TEP1: variants seen among roughly 807,000 people sequenced by gnomAD.
TEP1 encodes telomerase protein component 1.
TEP1 carries 241 observed loss-of-function variants against 306.3 expected under a neutral mutation model. The ratio of observed to expected loss-of-function variants is 0.79; its 90% CI spans 0.71 to 0.88. The LOEUF (loss-of-function observed/expected upper bound fraction) is 0.88. Among genes scored for constraint, TEP1 ranks in the 40% least tolerant of loss-of-function variants. The pLI, the probability that TEP1 is intolerant of heterozygous loss-of-function variation, is 0.00. For missense variants in TEP1, 3,051 were observed against 3,276.1 expected, an observed-to-expected ratio of 0.93 and a Z score of 1.68; for synonymous variants, 1,289 against 1,305.5, an observed-to-expected ratio of 0.99 and a Z score of 0.27.
intron 33 of TEP1, 102 bp from the exon 34 acceptor site, chr14:20,380,577 G>T: frequency 6.8e-7 from 1 of 1,468,538 alleles, no homozygotes; most frequent in East Asian, 2.4e-5. Flanking sequence ...AAGTCTCAAA[G>T]TGTGGCCCTC....
chr14:20,378,603 CA>C, intron 37 of TEP1, 68 bp from the exon 38 acceptor site: 1 of 1,606,076 alleles, frequency 6.2e-7, no homozygotes, highest in South Asian at 1.1e-5. Context: ...CCCAGACCTC[CA>C]GGAGCAACCT....
chr14:20,411,086 C>G (rs1017461879), intron 1 of TEP1, among the ~76,000 whole-genome samples: 3 of 152,106 alleles, frequency 2.0e-5, no homozygotes, highest in African/African-American at 7.2e-5. Flanking sequence ...TCCCAAAGTG[C>G]TAGGATTACA....
rs60087138 is a variant in TEP1, at chr14:20,369,872, A to ATT, written c.7318-95_7318-94dup. 3,986 of 738,170 alleles carry ATT rather than the reference A, an allele frequency of 5.4e-3. 36 individuals carry two copies. Among genetic ancestry groups the ATT allele is most frequent in the African/African-American group, 0.037 (1,896 of 51,800 alleles). The allele number at this position is 738,170 out of a possible 1,614,324, so 45.7% of individuals were successfully genotyped here. On this transcript the variant is annotated intron_variant, in intron 51 of 54. Transcript: ENST00000262715. ...GTTTTCTGCTCTGGGCTGGTCAGGA[A>ATT]TTTTTTTTTTTTTTAACTACAACTT...
rs749073105 is a variant in TEP1 at position 20,403,377 on chromosome 14, C to A, written c.1266G>T (p.Lys422Asn). ...TACAACCCCAGAAGAAGGGACTCAC[C>A]TTTCTCTGCTCTTCTCTGAGAAACC... is the stretch of plus-strand genomic sequence containing the variant. ...YIGFLREEQR[K>N]FEKAGDTVSE... Residue 422 changes from lysine to asparagine, a missense_variant and splice_region_variant, in exon 7 of 55, where the codon AAG becomes AAT. Physicochemically the swap from Lys to Asn is moderately conservative, Grantham distance 94. Around this residue, in one of 3 missense-constraint regions of TEP1, gnomAD observed 1,507 missense variants for 1,550.5 expected, o/e 0.97. Transcript: ENST00000262715. 8 of 1,613,916 alleles carry A rather than the reference C, an allele frequency of 5.0e-6. No individual in the cohort carries two copies. The highest frequency in any genetic ancestry group is 1.6e-4 in the Middle Eastern group (1 of 6,082).
At position 20,402,962 on chromosome 14, in the gene TEP1, G is replaced by T. The variant is rs4981176; in HGVS notation, c.1266+415C>A. Among the ~76,000 whole-genome samples, 638 of 152,082 alleles carry T rather than the reference G, an allele frequency of 4.2e-3. 12 individuals are homozygous for T. The highest frequency in any genetic ancestry group is 0.037 in the Admixed American group (559 of 15,260). Reference sequence around the variant, plus strand: ...TCACGAGGTCAGGAGTTCGAGACCAGCCTGGCCAACATGGTGAAACCCCAT... The same window carrying T: ...TCACGAGGTCAGGAGTTCGAGACCATCCTGGCCAACATGGTGAAACCCCAT... On this transcript the variant is annotated intron_variant, in intron 7 of 54. Transcript: ENST00000262715.
intron 12 of TEP1, among the ~76,000 whole-genome samples, chr14:20,393,001 AAGG>A (rs10567609): frequency 0.32 from 48,672 of 151,852 alleles, 8,289 homozygotes; most frequent in Non-Finnish European, 0.38. Context: ...GGCAGATCAC[AAGG>A]AGATCGAGAC....
rs772100908 is a variant in TEP1, at chr14:20,384,667, C to T, written c.3154G>A (p.Glu1052Lys). The T allele has an allele frequency of 5.0e-6, 8 of 1,613,576 alleles. No individual in the cohort carries two copies. In the South Asian group the frequency reaches 8.8e-5, roughly 18 times the overall value. Residue 1052 changes from glutamate to lysine, a missense_variant, in exon 22 of 55, where the codon GAG (glutamate) becomes AAG (lysine). Around this residue, in one of 3 missense-constraint regions of TEP1, gnomAD observed 1,507 missense variants for 1,550.5 expected, o/e 0.97. Transcript: ENST00000262715. Reference sequence around the variant, plus strand: ...AGTTCTGAGATCCGACGTGCGGCCTCTTCAGACTCAGAAACAAAGTCAGAT... The same window carrying T: ...AGTTCTGAGATCCGACGTGCGGCCTTTTCAGACTCAGAAACAAAGTCAGAT... ...WKSDFVSESE[E>K]AARRISELKS...
chr14:20,368,764 G>GCGCA (rs1555319356), intron 54 of TEP1, 34 bp downstream of exon 54: 49 of 1,344,344 alleles, frequency 3.6e-5, no homozygotes, highest in African/African-American at 2.7e-4. Context: ...GCAGGCGCAC[G>GCGCA]CACACACACA....
rs1354757933 is a variant in TEP1 at position 20,380,156 on chromosome 14, C to T, written c.5003+79G>A. 9.5e-6 allele frequency: 15 copies of T among 1,580,174 alleles called. No individual in the cohort carries two copies. The Admixed American group carries it at 2.5e-4, about 26-fold the overall frequency. ...TGGATCCCTCTCCAGTGTTTCTGGTCATCCTTATTCCTCAGTTTCAGAAAG... is the reference window on the plus strand; with the variant it reads ...TGGATCCCTCTCCAGTGTTTCTGGTTATCCTTATTCCTCAGTTTCAGAAAG... On this transcript the variant is annotated intron_variant, in intron 34 of 54. Transcript: ENST00000262715.
In TEP1 at chr14:20,391,116, G is replaced by A. The variant is rs200437004; in HGVS notation, c.2098-20C>T. 115 of 1,612,096 alleles carry A rather than the reference G, an allele frequency of 7.1e-5. No individual in the cohort carries two copies. The East Asian group carries it at 2.3e-3, about 32-fold the overall frequency. On this transcript the variant is annotated intron_variant, in intron 13 of 54. Transcript: ENST00000262715. ...CGGGGGCTGATTGGACAAGTGTCAGGGGAAATAAAGCTCCCCTGCTTTGGA... is the reference window on the plus strand; with the variant it reads ...CGGGGGCTGATTGGACAAGTGTCAGAGGAAATAAAGCTCCCCTGCTTTGGA...
At chr14:20,385,171 T>C (rs1243271395) in intron 20 of TEP1, 62 bp from the exon 21 acceptor site, 7 of 1,597,574 alleles carry the variant, frequency 4.4e-6, no homozygotes, top group Non-Finnish European at 5.1e-6. Context: ...CCTCCAGACC[T>C]GCCAAGGCCC....
At position 20,373,905 on chromosome 14, in the gene TEP1, T is replaced by C. The variant is rs1054644785; in HGVS notation, c.6472-95A>G. ...AGAGGTGGGTGGAGCATTAGGAGCA[T>C]GGAAGATGTCAATGAGGGAGGAGAA... On this transcript the variant is annotated intron_variant, in intron 44 of 54. Transcript: ENST00000262715. 4.2e-5 allele frequency: 63 copies of C among 1,501,816 alleles called. No homozygotes were observed. In the African/African-American group the frequency reaches 5.0e-4, roughly 12 times the overall value. 93.0% of individuals were successfully genotyped at this position (1,501,816 alleles called of 1,614,324 possible). A position where few individuals can be genotyped will look rare whatever the true frequency, so the allele number is the denominator to read the frequency against.
intron 17 of TEP1, 57 bp downstream of exon 17, chr14:20,389,181 T>A: frequency 1.4e-6 from 2 of 1,448,296 alleles, no homozygotes; most frequent in South Asian, 1.2e-5. Context: ...GTAGAGATAA[T>A]CTCCTAAAAA....
In TEP1 at chr14:20,383,321, A is replaced by C; in HGVS notation, c.3900T>G (p.Asp1300Glu). The change falls in exon 27 of 55, where the codon GAT becomes GAG. Residue 1300 changes from aspartate to glutamate, a missense_variant. By Grantham distance (45) the Asp-to-Glu change is conservative. This residue lies in a region of TEP1 where 1,540 missense variants were observed against 1,705.9 expected (regional missense o/e 0.90). Coordinates refer to ENST00000262715, the MANE Select transcript of TEP1 (RefSeq NM_007110.5). ...CVHLVLSVSS[D>E]AGLGETLEQS... ...GCTCAAGGGTCTCCCCTAGGCCTGC[A>C]TCACTAGACACACTCAGCACCAGGT... The C allele has an allele frequency of 6.2e-7, 1 of 1,609,358 alleles. No homozygotes were observed. Among genetic ancestry groups the C allele is most frequent in the Non-Finnish European group, 8.5e-7 (1 of 1,177,680 alleles).
rs1455433597 is a variant in TEP1, at chr14:20,369,890, TACA to T, written c.7318-114_7318-112del. 13 of 745,638 alleles carry T rather than the reference TACA, an allele frequency of 1.7e-5. No homozygotes were observed. In the East Asian group the frequency reaches 2.4e-4, roughly 14 times the overall value. The allele number at this position is 745,638 out of a possible 1,614,324, so 46.2% of individuals were successfully genotyped here. Reference sequence around the variant, plus strand: ...GTCAGGAATTTTTTTTTTTTTTAACTACAACTTAGATACAATCAAGTGCGCAAA... The same window carrying T: ...GTCAGGAATTTTTTTTTTTTTTAACTACTTAGATACAATCAAGTGCGCAAA... On this transcript the variant is annotated intron_variant, in intron 51 of 54. Transcript: ENST00000262715.
chr14:20,382,360 G>A lies in TEP1; in HGVS notation c.4141-4C>T. The A allele has an allele frequency of 6.2e-7, 1 of 1,604,088 alleles. No homozygotes were observed. Among genetic ancestry groups the A allele is most frequent in the Admixed American group, 1.7e-5 (1 of 59,276 alleles). ...GGGTCCGGAGTCTCTCAGACACCTAGGATGGCGGGAGGACAGCCTTGTTCA... is the reference window on the plus strand; with the variant it reads ...GGGTCCGGAGTCTCTCAGACACCTAAGATGGCGGGAGGACAGCCTTGTTCA... On this transcript the variant is annotated splice_polypyrimidine_tract_variant and splice_region_variant and intron_variant, in intron 28 of 54. Coordinates refer to ENST00000262715, the MANE Select transcript of TEP1 (RefSeq NM_007110.5).
rs376262631 is a variant in TEP1, at chr14:20,386,566, C to A, written c.2742G>T (p.Arg914=). 6.2e-7 allele frequency: 1 copy of A among 1,612,104 alleles called. No individual in the cohort carries two copies. Among genetic ancestry groups the A allele is most frequent in the Non-Finnish European group, 8.5e-7 (1 of 1,178,678 alleles). The change falls in exon 19 of 55, where the codon CGG becomes CGT. Residue 914 remains arginine, a synonymous_variant. Transcript: ENST00000262715. Reference sequence around the variant, plus strand: ...GCAGCACAGACCTCAGCAGCAGGTCCCGCTCCCCATGCATGTCTCGGAAAG... The same window carrying A: ...GCAGCACAGACCTCAGCAGCAGGTCACGCTCCCCATGCATGTCTCGGAAAG... The part of the protein sequence containing the change: ...SSTFRDMHGE[R]DLLLRSVLPA...
At chr14:20,410,817 T>G (rs1487611256) in intron 1 of TEP1, among the ~76,000 whole-genome samples, 27 of 140,766 alleles carry the variant, frequency 1.9e-4, no homozygotes, top group African/African-American at 5.9e-4. Flanking sequence ...TTTTTTTTTT[T>G]TTTTTTTTTT....
intron 51 of TEP1, among the ~76,000 whole-genome samples, chr14:20,370,742 C>G (rs1884783856): frequency 6.6e-6 from 1 of 152,142 alleles, no homozygotes; most frequent in Admixed American, 6.5e-5. Flanking sequence ...TAGTAGATAA[C>G]TTTAGTGGGT....
Sources: gnomAD v4.1 joint callset for allele counts (sites outside exome capture counted in the v4.1 genomes callset) on GRCh38, gnomAD v4.1.1 for gene constraint, gnomAD v4.1.1 regional missense constraint, MANE v1.5 for transcripts, NCBI Gene and HGNC (gene_info 2026-07-23, HGNC 2026-07-21) for gene names.